The following RRM2 variants were observed in gnomAD, a reference collection of about 807,000 sequenced individuals.
The protein encoded by RRM2 is ribonucleoside-diphosphate reductase subunit M2.
Under a neutral mutation model 45.9 loss-of-function variants are expected in RRM2, and 6 were observed. That is an observed-to-expected ratio of 0.13 (90% CI 0.07 to 0.26). The LOEUF is 0.26. Ranked by LOEUF, RRM2 falls within the 10% of genes least tolerant of loss-of-function variation. RRM2 has a pLI of 1.00. For synonymous variants in RRM2, 177 were observed against 173.0 expected (o/e 1.02, Z -0.18); for missense variants, 343 against 489.5 (o/e 0.70, Z 2.82).
At position 10,182,366 on chromosome 2, in the gene RRM2, CA is replaced by C. The variant is rs946101442; in HGVS notation, n.483-27936del. 1.1e-4 allele frequency among the ~76,000 whole-genome samples: 16 copies of C among 146,560 alleles called. No homozygotes were observed. The East Asian group carries it at 2.1e-3, about 19-fold the overall frequency. ...GTCTCAAAACAAACAAACAAACAAA[CA>C]AAAAAAAACCCAAAAAAAATCCCAC... On this transcript the variant is annotated intron_variant and non_coding_transcript_variant, in intron 3 of 3. Transcript: ENST00000381786.
chr2:10,199,792 A>ACCAAAAAAAC, intron 3 of RRM2, among the ~76,000 whole-genome samples: 2 of 113,160 alleles, frequency 1.8e-5, no homozygotes, highest in Non-Finnish European at 4.4e-5. Context: ...AAAAAAAAAA[A>ACCAAAAAAAC]AAAAAAAAAA....
chr2:10,158,751 C>A lies in RRM2; in HGVS notation n.482+16376C>A, dbSNP rs1663488108. On this transcript the variant is annotated intron_variant and non_coding_transcript_variant, in intron 3 of 3. Transcript: ENST00000381786. ...AATAAGCAGCCAAGCGGGAGACTGG[C>A]ATGGGGGCCGGGGCCGTGCTCTGAG... Among the ~76,000 whole-genome samples, 3 of 152,114 alleles carry A rather than the reference C, an allele frequency of 2.0e-5. 1 individual carries two copies. The South Asian group carries it at 6.2e-4, about 31-fold the overall frequency.
At chr2:10,194,604 C>A (rs1664375295) in intron 3 of RRM2, among the ~76,000 whole-genome samples, 1 of 152,246 alleles carries the variant, frequency 6.6e-6, no homozygotes, top group Admixed American at 6.5e-5. Context: ...ACCGGTGGGC[C>A]CCGGGTGGCT....
At chr2:10,137,869 G>A (rs992259086), upstream of RRM2, among the ~76,000 whole-genome samples, 1 of 152,228 alleles carries the variant, frequency 6.6e-6, no homozygotes, top group Non-Finnish European at 1.5e-5. Context: ...GCTTTGGAAG[G>A]CTGGGAACAG....
At chr2:10,184,080 G>A (rs1257356646) in intron 3 of RRM2, among the ~76,000 whole-genome samples, 2 of 103,090 alleles carry the variant, frequency 1.9e-5, no homozygotes, top group African/African-American at 3.5e-5. Flanking sequence ...GTGACAGAGC[G>A]AGACTCCATC....
chr2:10,179,157 T>C (rs1477381431), intron 3 of RRM2, among the ~76,000 whole-genome samples: 2 of 152,138 alleles, frequency 1.3e-5, no homozygotes, highest in Admixed American at 6.5e-5. Context: ...ATCCTTTTTT[T>C]GTTTGTTTGT....
intron 3 of RRM2, among the ~76,000 whole-genome samples, chr2:10,188,739 T>C (rs1290527745): frequency 6.6e-6 from 1 of 151,866 alleles, no homozygotes; most frequent in African/African-American, 2.4e-5. Flanking sequence ...TGTGGGCCGG[T>C]GTTTGAAATG....
intron 3 of RRM2, among the ~76,000 whole-genome samples, chr2:10,193,055 C>A (rs867364683): frequency 1.3e-5 from 2 of 152,194 alleles, no homozygotes; most frequent in Non-Finnish European, 2.9e-5. Context: ...CCTAGTCTTA[C>A]AGGAGCTCTG....
At chr2:10,155,610 TCC>T (rs1182027205) in intron 3 of RRM2, 1 of 152,334 alleles carries the variant, frequency 6.6e-6, no homozygotes, top group Non-Finnish European at 1.5e-5. Flanking sequence ...CTCTGATTCC[TCC>T]CCCTCTTCTG....
chr2:10,193,665 G>A (rs1664356199), intron 3 of RRM2, among the ~76,000 whole-genome samples: 1 of 152,208 alleles, frequency 6.6e-6, no homozygotes, highest in Non-Finnish European at 1.5e-5. Flanking sequence ...GCACCTGTCA[G>A]TCATGAACGT....
At chr2:10,160,011 C>T (rs1663522365) in intron 3 of RRM2, among the ~76,000 whole-genome samples, 1 of 152,132 alleles carries the variant, frequency 6.6e-6, no homozygotes, top group Admixed American at 6.5e-5. Flanking sequence ...CTCTCCCTGC[C>T]CCTCCAGGCC....
rs1663816040 is a variant in RRM2 at position 10,172,023 on chromosome 2, A to G, written n.482+29648A>G. Among the ~76,000 whole-genome samples the G allele has an allele frequency of 6.6e-6, 1 of 152,186 alleles. No homozygotes were observed. Among genetic ancestry groups the G allele is most frequent in the African/African-American group, 2.4e-5 (1 of 41,448 alleles). ...GAGCCCTGCTAGTCCAGGCCGGGCC[A>G]GCGCCCAAGGATGAGGGGAAGCACA... On this transcript the variant is annotated intron_variant and non_coding_transcript_variant, in intron 3 of 3. Coordinates refer to the RRM2 transcript ENST00000381786. The surrounding 1 kb of genome is among the most constrained non-coding windows in gnomAD (Gnocchi z 4.9).
chr2:10,133,703 ATT>A (rs33987822), downstream of RRM2, among the ~76,000 whole-genome samples: 18,318 of 133,170 alleles, frequency 0.14, 1,336 homozygotes, highest in Middle Eastern at 0.19. Flanking sequence ...TGACATCAGG[ATT>A]TTTTTTTTTT....
At chr2:10,178,427 C>T (rs1245082936) in intron 3 of RRM2, among the ~76,000 whole-genome samples, 3 of 151,790 alleles carry the variant, frequency 2.0e-5, no homozygotes, top group Non-Finnish European at 4.4e-5. Context: ...TTCACCATGT[C>T]GACCAGACTG....
At chr2:10,207,008 A>G (rs1165305815) in intron 3 of RRM2, among the ~76,000 whole-genome samples, 1 of 152,212 alleles carries the variant, frequency 6.6e-6, no homozygotes, top group African/African-American at 2.4e-5. Flanking sequence ...GAAGAAGGAA[A>G]GAGGTTTCGG....
chr2:10,129,145 T>C lies in RRM2; in HGVS notation c.1008T>C (p.Gly336=), dbSNP rs779582709. 4.3e-6 allele frequency: 7 copies of C among 1,614,120 alleles called. No homozygotes were observed. The highest frequency in any genetic ancestry group is 5.9e-6 in the Non-Finnish European group (7 of 1,179,974). Residue 336 remains glycine, a synonymous_variant, in exon 9 of 10, where the codon GGT becomes GGC. Transcript: ENST00000304567. The surrounding 1 kb of genome is among the most constrained non-coding windows in gnomAD (Gnocchi z 4.8). ...FVADRLMLEL[G]FSKVFRVENP... is the part of the protein sequence containing the mutation. ...CAGACAGACTTATGCTGGAACTGGG[T>C]TTTAGCAAGGTAAAGTATTGTTTAC...
chr2:10,128,965 A>G lies in RRM2; in HGVS notation c.903+13A>G, dbSNP rs1407557938. 6.2e-6 allele frequency: 10 copies of G among 1,609,434 alleles called. No homozygotes were observed. Among genetic ancestry groups the G allele is most frequent in the African/African-American group, 1.3e-5 (1 of 74,822 alleles). ...TCGGATAGAACAGGTAAAGTGGGTG[A>G]TGAAATGGGTCACTCAAGCTTGCTA... On this transcript the variant is annotated intron_variant, in intron 8 of 9. Transcript: ENST00000304567.
chr2:10,129,545 GT>G lies in RRM2; in HGVS notation c.*162del. On this transcript the variant is annotated 3_prime_UTR_variant, in exon 10 of 10. Transcript: ENST00000304567. This position sits in a 1 kb window ranked among gnomAD's most constrained non-coding sequence, Gnocchi z 4.8. Reference sequence around the variant, plus strand: ...AGCTACCTCACAACCAGTCCTGTCTGTTTATAGTGCTGGTAGTATCACCTTT... The same window carrying G: ...AGCTACCTCACAACCAGTCCTGTCTGTTATAGTGCTGGTAGTATCACCTTT... 1 of 757,642 alleles carries G rather than the reference GT, an allele frequency of 1.3e-6. No homozygotes were observed. Among genetic ancestry groups the G allele is most frequent in the Non-Finnish European group, 2.1e-6 (1 of 471,076 alleles). 46.9% of individuals were successfully genotyped at this position (757,642 alleles called of 1,614,324 possible). A position where few individuals can be genotyped will look rare whatever the true frequency, so the allele number is the denominator to read the frequency against.
chr2:10,123,387 A>G lies in RRM2; in HGVS notation c.175A>G (p.Lys59Glu), dbSNP rs572458058. The G allele has an allele frequency of 7.5e-6, 12 of 1,601,538 alleles. No individual in the cohort carries two copies. In the African/African-American group the frequency reaches 1.4e-4, roughly 18 times the overall value. The change falls in exon 3 of 10, where the codon AAA (lysine) becomes GAA (glutamate). Residue 59 changes from lysine (K) to glutamate (E), a missense_variant and splice_region_variant. Physicochemically the swap from Lys to Glu is moderately conservative, Grantham distance 56. This residue lies in a region of RRM2 where 131 missense variants were observed against 121.4 expected (regional missense o/e 1.08). Coordinates refer to ENST00000304567, the MANE Select transcript of RRM2 (RefSeq NM_001034.4). ...RRIFQEPTEP[K>E]TKAAAPGVED... ...AATGTTTTATTTTCTCCCCCAACAG[A>G]AAACTAAAGCAGCTGCCCCCGGCGT...
Sources: allele counts gnomAD v4.1 joint callset (sites outside exome capture counted in the v4.1 genomes callset), GRCh38; gene constraint gnomAD v4.1.1; regional missense constraint gnomAD v4.1.1; non-coding constraint Gnocchi (gnomAD v3.1); transcripts MANE v1.5; gene names NCBI Gene and HGNC (gene_info 2026-07-23, HGNC 2026-07-21).